The following CTNNA3 variants were observed in gnomAD, a reference collection of about 807,000 sequenced individuals.
The protein encoded by CTNNA3 is catenin alpha-3.
Under a neutral mutation model 95.7 loss-of-function variants are expected in CTNNA3, and 76 were observed. The observed-to-expected ratio is 0.79, with a 90% CI of 0.66 to 0.96. CTNNA3 has a LOEUF of 0.96. Ranked by LOEUF, CTNNA3 falls within the 40% of genes least tolerant of loss-of-function variation. CTNNA3 has a pLI of 0.00. For missense variants in CTNNA3, 1,191 were observed against 1,089.8 expected, an observed-to-expected ratio of 1.09 and a Z score of -1.31; for synonymous variants, 431 against 374.4, an observed-to-expected ratio of 1.15 and a Z score of -1.74.
At chr10:66,596,006 C>A (rs534965969) in intron 10 of CTNNA3, among the ~76,000 whole-genome samples, 2 of 152,042 alleles carry the variant, frequency 1.3e-5, no homozygotes, top group South Asian at 4.2e-4. Flanking sequence ...TATGGTGACT[C>A]AATAACTCAA....
chr10:66,412,456 A>ATTTTTT (rs750175517), intron 11 of CTNNA3, among the ~76,000 whole-genome samples: 1 of 126,198 alleles, frequency 7.9e-6, no homozygotes, highest in East Asian at 2.5e-4. Flanking sequence ...GCCAAATACT[A>ATTTTTT]TTTTTTTTTT....
chr10:66,519,930 G>GT (rs1840997874), intron 11 of CTNNA3, among the ~76,000 whole-genome samples: 1 of 151,942 alleles, frequency 6.6e-6, no homozygotes, highest in African/African-American at 2.4e-5. Context: ...TCACTAATAT[G>GT]TTTTTTTCCA....
chr10:66,075,339 C>T (rs1248367333), intron 14 of CTNNA3, among the ~76,000 whole-genome samples: 1 of 151,652 alleles, frequency 6.6e-6, no homozygotes, highest in Non-Finnish European at 1.5e-5. Flanking sequence ...CATTCAAATT[C>T]CACTTTGGCC....
intron 11 of CTNNA3, among the ~76,000 whole-genome samples, chr10:66,440,477 T>C (rs1027983087): frequency 6.6e-6 from 1 of 152,176 alleles, no homozygotes; most frequent in Non-Finnish European, 1.5e-5. Flanking sequence ...GTTTATGTTA[T>C]CTTCTTCATA....
chr10:67,737,661 T>C (rs1841310324), intron 1 of CTNNA3, among the ~76,000 whole-genome samples: 1 of 152,104 alleles, frequency 6.6e-6, no homozygotes, highest in African/African-American at 2.4e-5. Flanking sequence ...AAAATGCTCA[T>C]CATCACTGGC....
intron 5 of CTNNA3, chr10:67,334,032 GTC>G: frequency 6.6e-6 from 1 of 152,138 alleles, no homozygotes; most frequent in Non-Finnish European, 1.5e-5. Flanking sequence ...TTTAGTTACA[GTC>G]TATAAAGCAT....
At chr10:66,436,501 C>CTTTT (rs34165061) in intron 11 of CTNNA3, among the ~76,000 whole-genome samples, 48 of 60,382 alleles carry the variant, frequency 7.9e-4, no homozygotes, top group African/African-American at 1.1e-3. Context: ...ACAATCCCTG[C>CTTTT]TTTTTTTTTT....
At chr10:65,993,637 A>C (rs1377467457) in intron 15 of CTNNA3, among the ~76,000 whole-genome samples, 1 of 152,174 alleles carries the variant, frequency 6.6e-6, no homozygotes, top group Non-Finnish European at 1.5e-5. Context: ...ATATGTCTTT[A>C]CAAGTGAAGT....
Position 67,469,077 on chromosome 10 carries a change from C to A in CTNNA3, c.579+52765G>T, listed in dbSNP as rs372828349. ...AAGGGTTGGAAGAGTGTACCTGGGA[C>A]CAATGCTAATTTTTTGAAAATTCTG... On this transcript the variant is annotated intron_variant, in intron 5 of 17. Transcript: ENST00000433211. Among the ~76,000 whole-genome samples the A allele has an allele frequency of 2.0e-5, 3 of 152,184 alleles. No individual in the cohort carries two copies. In the East Asian group the frequency reaches 5.8e-4, roughly 29 times the overall value.
At chr10:67,661,137 T>G (rs921786627) in intron 1 of CTNNA3, among the ~76,000 whole-genome samples, 4 of 151,936 alleles carry the variant, frequency 2.6e-5, no homozygotes, top group African/African-American at 9.7e-5. Flanking sequence ...ATGTATGTAT[T>G]TAAACTTTGA....
At chr10:67,568,458 T>TAC (rs1841880861) in intron 3 of CTNNA3, among the ~76,000 whole-genome samples, 1 of 129,842 alleles carries the variant, frequency 7.7e-6, no homozygotes, top group Admixed American at 7.2e-5. Flanking sequence ...TGTTCCAGTA[T>TAC]ATATATATGT....
chr10:65,997,334 C>G (rs1245894542), intron 15 of CTNNA3, among the ~76,000 whole-genome samples: 1 of 152,196 alleles, frequency 6.6e-6, no homozygotes, highest in African/African-American at 2.4e-5. Flanking sequence ...GACGTGATAT[C>G]TGTTGATCTA....
intron 12 of CTNNA3, among the ~76,000 whole-genome samples, chr10:66,342,239 G>A (rs1281985428): frequency 6.6e-6 from 1 of 151,906 alleles, no homozygotes; most frequent in African/African-American, 2.4e-5. Context: ...AAAATGTGCT[G>A]GCTTTAAACG....
chr10:66,133,911 G>C (rs2083238567), intron 13 of CTNNA3, among the ~76,000 whole-genome samples: 1 of 151,862 alleles, frequency 6.6e-6, no homozygotes. Context: ...TAATAGAAAA[G>C]TAACATACAG....
chr10:66,539,263 A>G (rs1841764202), intron 10 of CTNNA3, among the ~76,000 whole-genome samples: 1 of 152,148 alleles, frequency 6.6e-6, no homozygotes, highest in Non-Finnish European at 1.5e-5. Context: ...GCAGGTAGAA[A>G]GAGGGGCAGG....
At chr10:66,978,952 C>A (rs191565026) in intron 7 of CTNNA3, among the ~76,000 whole-genome samples, 3 of 141,098 alleles carry the variant, frequency 2.1e-5, no homozygotes, top group Admixed American at 7.4e-5. Context: ...TCCTCACATA[C>A]TTATTTCCTT....
intron 7 of CTNNA3, among the ~76,000 whole-genome samples, chr10:67,059,403 A>G (rs982613039): frequency 2.0e-5 from 3 of 152,298 alleles, no homozygotes; most frequent in Non-Finnish European, 4.4e-5. Context: ...AAGAATTGAA[A>G]ACAATTAATT....
chr10:66,810,459 T>C (rs1021461423), intron 7 of CTNNA3, among the ~76,000 whole-genome samples: 49 of 152,166 alleles, frequency 3.2e-4, no homozygotes, highest in African/African-American at 1.2e-3. Flanking sequence ...CCCCACATTC[T>C]GCTGATTCCA....
At chr10:66,456,005 T>C (rs544988081) in intron 11 of CTNNA3, among the ~76,000 whole-genome samples, 1 of 152,198 alleles carries the variant, frequency 6.6e-6, no homozygotes, top group Non-Finnish European at 1.5e-5. Context: ...ATGTGCAGAA[T>C]CTGTATGCAG....
Sources: gnomAD v4.1 joint callset for allele counts (sites outside exome capture counted in the v4.1 genomes callset) on GRCh38, gnomAD v4.1.1 for gene constraint, MANE v1.5 for transcripts, NCBI Gene and HGNC (gene_info 2026-07-23, HGNC 2026-07-21) for gene names.